Variants in MBD4 observed in about 807,000 individuals in gnomAD.
The protein encoded by MBD4 is methyl-CpG binding domain 4, DNA glycosylase.
In MBD4, 53 loss-of-function variants were observed where a neutral mutation model predicts 60.2. The observed-to-expected ratio is 0.88, with a 90% CI of 0.71 to 1.11. The LOEUF (loss-of-function observed/expected upper bound fraction) is 1.11. MBD4 is among the 50% of genes least tolerant of loss of function. The pLI is 0.00. For missense variants in MBD4, 619 were observed against 674.0 expected (o/e 0.92, Z 0.90); for synonymous variants, 231 against 229.8 (o/e 1.01, Z -0.05).
In MBD4 at chr3:129,438,750, T is replaced by C. The variant is rs2072576063; in HGVS notation, c.105-800A>G. Reference sequence around the variant, plus strand: ...GTGAGATCCTCGTCTTTGCAAAAAATGAAAAAAAAAACCCAAAAAAACAAA... The same window carrying C: ...GTGAGATCCTCGTCTTTGCAAAAAACGAAAAAAAAAACCCAAAAAAACAAA... On this transcript the variant is annotated intron_variant, in intron 1 of 7. Coordinates refer to ENST00000429544, the MANE Select transcript of MBD4 (RefSeq NM_001276270.2). Among the ~76,000 whole-genome samples, 3 of 137,318 alleles carry C rather than the reference T, an allele frequency of 2.2e-5. No individual in the cohort carries two copies. In the South Asian group the frequency reaches 6.8e-4, roughly 31 times the overall value. The allele number at this position is 137,318 out of a possible 152,430, so 90.1% of individuals were successfully genotyped here.
Position 129,437,917 on chromosome 3 carries a change from C to T in MBD4, c.138G>A (p.Val46=), listed in dbSNP as rs2072498449. The change falls in exon 2 of 8, where the codon GTG becomes GTA. Residue 46 remains valine (V), a synonymous_variant. Coordinates refer to ENST00000429544, the MANE Select transcript of MBD4 (RefSeq NM_001276270.2). Reference sequence around the variant, plus strand: ...TCATCATTTGTTCCTCATCTTCTCCCACTCTTTCCAATTCCATAGCAACAT... The same window carrying T: ...TCATCATTTGTTCCTCATCTTCTCCTACTCTTTCCAATTCCATAGCAACAT... ...KEDVAMELER[V]GEDEEQMMIK... 6.2e-7 allele frequency: 1 copy of T among 1,613,362 alleles called. No homozygotes were observed. Among genetic ancestry groups the T allele is most frequent in the African/African-American group, 1.3e-5 (1 of 75,038 alleles).
intron 7 of MBD4, chr3:129,432,086 G>T: frequency 1.1e-6 from 1 of 912,980 alleles, no homozygotes; most frequent in Non-Finnish European, 1.4e-6. Context: ...CAACAGGGCT[G>T]AAGCAGGACC....
intron 5 of MBD4, 108 bp downstream of exon 5, chr3:129,433,742 T>C: frequency 7.5e-7 from 1 of 1,336,476 alleles, no homozygotes; most frequent in Non-Finnish European, 1.1e-6. Context: ...GGGAATGCCC[T>C]ATCCCAGGTG....
chr3:129,439,519 C>A (rs2107767402), intron 1 of MBD4, among the ~76,000 whole-genome samples: 1 of 152,248 alleles, frequency 6.6e-6, no homozygotes, highest in Admixed American at 6.5e-5. Context: ...CCCCAGTCTC[C>A]CTAGTCATCT....
chr3:129,439,303 T>C (rs1288348806), intron 1 of MBD4, among the ~76,000 whole-genome samples: 1 of 152,192 alleles, frequency 6.6e-6, no homozygotes, highest in Non-Finnish European at 1.5e-5. Flanking sequence ...CTACCAGCTG[T>C]AAGTTTAGCA....
Position 129,434,073 on chromosome 3 carries a change from T to C in MBD4, c.1247A>G (p.Tyr416Cys), listed in dbSNP as rs764643149. The C allele has an allele frequency of 6.2e-7, 1 of 1,614,150 alleles. No individual in the cohort carries two copies. Among genetic ancestry groups the C allele is most frequent in the Non-Finnish European group, 8.5e-7 (1 of 1,179,986 alleles). Reference sequence around the variant, plus strand: ...TGGGAAAGGGATACCTTCTTTGTTATATTTGCTGGAAAAATACAGGCTTGT... The same window carrying C: ...TGGGAAAGGGATACCTTCTTTGTTACATTTGCTGGAAAAATACAGGCTTGT... ...RKTSLYFSSK[Y>C]NKEALSPPRR... is the part of the protein sequence containing the mutation. The change falls in exon 4 of 8, where the codon TAT becomes TGT. Residue 416 changes from tyrosine to cysteine, a missense_variant. Coordinates refer to ENST00000429544, the MANE Select transcript of MBD4 (RefSeq NM_001276270.2).
chr3:129,435,992 AG>A (rs796520468), intron 3 of MBD4, among the ~76,000 whole-genome samples: 3 of 152,354 alleles, frequency 2.0e-5, no homozygotes, highest in African/African-American at 7.2e-5. Context: ...CACACTTAGT[AG>A]TAAGTATCAG....
chr3:129,433,725 G>T, intron 5 of MBD4, 125 bp downstream of exon 5: 1 of 1,107,892 alleles, frequency 9.0e-7, no homozygotes, highest in Non-Finnish European at 1.4e-6. Context: ...GAGTTTAAGG[G>T]TGAAGGGGGA....
rs772122631 is a variant in MBD4, at chr3:129,436,910, T to C, written c.734A>G (p.Lys245Arg). Residue 245 changes from lysine to arginine, a missense_variant, in exon 3 of 8, where the codon AAA (lysine) becomes AGA (arginine). Coordinates refer to ENST00000429544, the MANE Select transcript of MBD4 (RefSeq NM_001276270.2). ...VTILKGIPIK[K>R]TKKGCRKSCS... ...GCTCTTCCTACATCCTTTTTTAGTT[T>C]TCTTAATTGGGATTCCTTTCAAAAT... The C allele has an allele frequency of 6.2e-7, 1 of 1,614,166 alleles. No homozygotes were observed. The highest frequency in any genetic ancestry group is 1.1e-5 in the South Asian group (1 of 91,084).
intron 3 of MBD4, among the ~76,000 whole-genome samples, chr3:129,435,175 G>C (rs1256778386): frequency 6.6e-6 from 1 of 151,918 alleles, no homozygotes; most frequent in Non-Finnish European, 1.5e-5. Context: ...CAGATAATTA[G>C]ACTACTGTTT....
intron 5 of MBD4, 148 bp downstream of exon 5, chr3:129,433,702 C>A: frequency 2.4e-6 from 2 of 843,828 alleles, no homozygotes; most frequent in Admixed American, 2.2e-5. Flanking sequence ...AGTCTCATTT[C>A]CTCATAGGTG....
In MBD4 at chr3:129,432,518, GAC is replaced by G; in HGVS notation, c.1630_1631del (p.Val544GlnfsTer2). 6.2e-7 allele frequency: 1 copy of G among 1,614,206 alleles called. No individual in the cohort carries two copies. Among genetic ancestry groups the G allele is most frequent in the Non-Finnish European group, 8.5e-7 (1 of 1,180,038 alleles). ...YGNDSYRIFC[V>X]NEWKQVHPED... ...TGAGCCTCACCTGCTTCCACTCATTGACACAAAAAATTCGGTAAGAGTCGTTG... is the reference window on the plus strand; with the variant it reads ...TGAGCCTCACCTGCTTCCACTCATTGACAAAAAATTCGGTAAGAGTCGTTG... On this transcript the variant is annotated frameshift_variant, in exon 7 of 8. Transcript: ENST00000429544. LOFTEE classifies it high-confidence loss of function.
intron 1 of MBD4, among the ~76,000 whole-genome samples, chr3:129,438,807 A>C (rs1259603649): frequency 2.0e-5 from 3 of 151,962 alleles, no homozygotes; most frequent in East Asian, 3.9e-4. Context: ...GGTGGAGCAT[A>C]CCTGTGGTCC....
At chr3:129,437,975 T>C (rs748638538) in intron 1 of MBD4, 25 bp from the exon 2 acceptor site, 1 of 1,395,228 alleles carries the variant, frequency 7.2e-7, no homozygotes, top group South Asian at 1.2e-5. Context: ...TCTAAGTGAT[T>C]AACTTATTTA....
chr3:129,438,667 A>G, intron 1 of MBD4, among the ~76,000 whole-genome samples: 1 of 151,816 alleles, frequency 6.6e-6, no homozygotes, highest in East Asian at 1.9e-4. Context: ...GCACTTTGGG[A>G]GGAGGAAGTG....
intron 1 of MBD4, among the ~76,000 whole-genome samples, chr3:129,439,258 CAA>C (rs2072634738): frequency 6.6e-6 from 1 of 152,150 alleles, no homozygotes; most frequent in South Asian, 2.1e-4. Context: ...GGAATCAGCA[CAA>C]ACTCTTAAGA....
chr3:129,432,197 A>G (rs1483640520), intron 7 of MBD4: 33 of 1,396,968 alleles, frequency 2.4e-5, no homozygotes, highest in Non-Finnish European at 3.1e-5. Flanking sequence ...TACTTTTGAC[A>G]GGAGGAAAAC....
In MBD4 at chr3:129,433,848, A is replaced by G. The variant is rs1172744855; in HGVS notation, c.1393+2T>C. 4.3e-6 allele frequency: 7 copies of G among 1,614,058 alleles called. No homozygotes were observed. Among genetic ancestry groups the G allele is most frequent in the Non-Finnish European group, 5.1e-6 (6 of 1,179,986 alleles). ...AGACAAAGATGATAATAATCCCCAA[A>G]CCTGAGGTCCGATTGAGAAATATAG... On this transcript the variant is annotated splice_donor_variant, in intron 5 of 7. Coordinates refer to ENST00000429544, the MANE Select transcript of MBD4 (RefSeq NM_001276270.2). LOFTEE classifies it high-confidence loss of function.
Position 129,437,029 on chromosome 3 carries a change from A to G in MBD4, c.615T>C (p.Ser205=). 1 of 1,614,212 alleles carries G rather than the reference A, an allele frequency of 6.2e-7. No individual in the cohort carries two copies. Among genetic ancestry groups the G allele is most frequent in the East Asian group, 2.2e-5 (1 of 44,884 alleles). ...SSELQESRGL[S]NFTSTHLLLK... ...AAAGCAAATGAGTGGAAGTAAAGTT[A>G]GAGAGTCCTCTGCTCTCCTGCAACT... Residue 205 remains serine, a synonymous_variant, in exon 3 of 8, where the codon TCT becomes TCC. Coordinates refer to ENST00000429544, the MANE Select transcript of MBD4 (RefSeq NM_001276270.2).
Sources: gnomAD v4.1 joint callset for allele counts (sites outside exome capture counted in the v4.1 genomes callset) on GRCh38, gnomAD v4.1.1 for gene constraint, MANE v1.5 for transcripts, NCBI Gene and HGNC (gene_info 2026-07-23, HGNC 2026-07-21) for gene names.